Variants in NTM observed in about 807,000 individuals in gnomAD.
The protein encoded by NTM is IgLON family member 2.
Under a neutral mutation model 42.1 loss-of-function variants are expected in NTM, and 13 were observed. The ratio of observed to expected loss-of-function variants is 0.31; its 90% CI spans 0.20 to 0.49. The LOEUF is 0.49. NTM is among the 20% of genes least tolerant of loss of function. NTM has a pLI of 0.99. For synonymous variants in NTM, 187 were observed against 179.2 expected, an observed-to-expected ratio of 1.04 and a Z score of -0.35; for missense variants, 373 against 452.8, an observed-to-expected ratio of 0.82 and a Z score of 1.60.
intron 4 of NTM, among the ~76,000 whole-genome samples, chr11:132,289,820 T>C (rs10894531): frequency 0.26 from 38,864 of 152,072 alleles, 5,303 homozygotes; most frequent in African/African-American, 0.32. Flanking sequence ...CAGGGCAGGG[T>C]CGAGGGAAGG....
At chr11:131,736,161 C>T (rs562949797) in intron 1 of NTM, among the ~76,000 whole-genome samples, 12 of 152,092 alleles carry the variant, frequency 7.9e-5, no homozygotes, top group Non-Finnish European at 1.8e-4. Context: ...GAAACAAAGG[C>T]CTAAGAAGGT....
intron 1 of NTM, chr11:131,385,433 A>T (rs1365367448): frequency 6.6e-6 from 1 of 152,220 alleles, no homozygotes; most frequent in African/African-American, 2.4e-5. Flanking sequence ...CCATTAGGAT[A>T]TCGCTGATGA....
chr11:131,905,765 A>T (rs970804957), intron 1 of NTM, among the ~76,000 whole-genome samples: 8 of 151,986 alleles, frequency 5.3e-5, no homozygotes, highest in Admixed American at 5.2e-4. Flanking sequence ...TGTCTCTCCC[A>T]TTCATTGCTT....
chr11:132,223,646 C>A (rs924788936), intron 4 of NTM, among the ~76,000 whole-genome samples: 1 of 152,164 alleles, frequency 6.6e-6, no homozygotes, highest in African/African-American at 2.4e-5. Flanking sequence ...TGTTTAGCAC[C>A]AATTTGCCTC....
At chr11:131,390,781 G>A (rs1489968079) in intron 1 of NTM, among the ~76,000 whole-genome samples, 2 of 152,122 alleles carry the variant, frequency 1.3e-5, no homozygotes, top group Non-Finnish European at 2.9e-5. Context: ...GAATTCTCAA[G>A]CCCCACCCCC....
chr11:131,831,903 T>A (rs111926866), intron 1 of NTM, among the ~76,000 whole-genome samples: 3,675 of 149,438 alleles, frequency 0.025, 130 homozygotes, highest in African/African-American at 0.083. Context: ...CCCAAAGTAA[T>A]TAATTCTCCC....
chr11:132,195,446 A>G (rs1255340939), intron 3 of NTM, among the ~76,000 whole-genome samples: 1 of 151,450 alleles, frequency 6.6e-6, no homozygotes, highest in Non-Finnish European at 1.5e-5. Flanking sequence ...GAAAATAAAA[A>G]CTGTACTAAA....
At chr11:131,479,379 G>A (rs1286897257) in intron 1 of NTM, among the ~76,000 whole-genome samples, 1 of 152,158 alleles carries the variant, frequency 6.6e-6, no homozygotes, top group Non-Finnish European at 1.5e-5. Flanking sequence ...GAGCATGAGA[G>A]GTTCGAAGAA....
intron 1 of NTM, among the ~76,000 whole-genome samples, chr11:131,875,141 A>C (rs1315422834): frequency 6.6e-6 from 1 of 152,338 alleles, no homozygotes; most frequent in African/African-American, 2.4e-5. Context: ...CACATATAGA[A>C]TGGGTTTAAT....
intron 1 of NTM, among the ~76,000 whole-genome samples, chr11:131,640,226 C>A (rs568089863): frequency 1.3e-5 from 2 of 152,212 alleles, no homozygotes; most frequent in South Asian, 4.2e-4. Flanking sequence ...TGAGACCAAA[C>A]CGGAGGAAAC....
intron 4 of NTM, among the ~76,000 whole-genome samples, chr11:132,283,488 A>C (rs1698727066): frequency 1.3e-5 from 2 of 152,192 alleles, no homozygotes; most frequent in Non-Finnish European, 2.9e-5. Flanking sequence ...TTTGTCAAGT[A>C]AGACAATTAG....
rs2041925097 is a variant in NTM at position 131,824,714 on chromosome 11, G to A, written c.83-86850G>A. On this transcript the variant is annotated intron_variant, in intron 1 of 8. Coordinates refer to ENST00000683400, the MANE Select transcript of NTM (RefSeq NM_001352005.2). The stretch of plus-strand genomic sequence containing the variant: ...TATGAGCTGAAACATGTTGAATAGT[G>A]AATGAATCTTACTTAGGCTGTGGTC... Among the ~76,000 whole-genome samples the A allele has an allele frequency of 3.9e-5, 6 of 152,170 alleles. No homozygotes were observed. In the South Asian group the frequency reaches 1.2e-3, roughly 32 times the overall value.
intron 2 of NTM, among the ~76,000 whole-genome samples, chr11:131,952,077 T>C (rs987951875): frequency 2.0e-5 from 3 of 152,094 alleles, no homozygotes; most frequent in Admixed American, 2.0e-4. Context: ...TCCTTGCTTA[T>C]AGACTCCTCC....
chr11:131,429,767 C>T (rs1565492244), intron 1 of NTM, among the ~76,000 whole-genome samples: 1 of 152,152 alleles, frequency 6.6e-6, no homozygotes, highest in Non-Finnish European at 1.5e-5. Flanking sequence ...CAGTGTTGCG[C>T]TAATTGCATA....
At chr11:131,876,347 C>T (rs2048535303) in intron 1 of NTM, among the ~76,000 whole-genome samples, 1 of 152,174 alleles carries the variant, frequency 6.6e-6, no homozygotes, top group South Asian at 2.1e-4. Context: ...AAACAAGCTG[C>T]CGGAGGCCCA....
At chr11:131,598,458 G>A (rs1163574389) in intron 1 of NTM, among the ~76,000 whole-genome samples, 5 of 152,176 alleles carry the variant, frequency 3.3e-5, no homozygotes, top group African/African-American at 9.6e-5. Context: ...AGGATTCTGT[G>A]TGGCTTTAAC....
intron 2 of NTM, among the ~76,000 whole-genome samples, chr11:132,131,565 A>G (rs1828894856): frequency 2.6e-5 from 4 of 151,972 alleles, no homozygotes; most frequent in Admixed American, 2.6e-4. Flanking sequence ...GTAAGTAGGG[A>G]GGGGTGCTGT....
intron 3 of NTM, among the ~76,000 whole-genome samples, chr11:132,200,907 T>C (rs566270144): frequency 1.3e-5 from 2 of 152,316 alleles, no homozygotes. Context: ...CATACATACT[T>C]ACATATTTGT....
chr11:132,118,164 A>T (rs529188215), intron 2 of NTM, among the ~76,000 whole-genome samples: 1 of 152,172 alleles, frequency 6.6e-6, no homozygotes, highest in African/African-American at 2.4e-5. Context: ...GAATTTCTTT[A>T]GTATTTTAAA....
Sources: allele counts gnomAD v4.1 joint callset (sites outside exome capture counted in the v4.1 genomes callset), GRCh38; gene constraint gnomAD v4.1.1; transcripts MANE v1.5; gene names NCBI Gene and HGNC (gene_info 2026-07-23, HGNC 2026-07-21).